CYFIP2: variants seen among roughly 807,000 people sequenced by gnomAD.
CYFIP2 encodes cytoplasmic FMR1-interacting protein 2.
A neutral mutation model predicts 158.7 loss-of-function variants in CYFIP2; 29 were observed. That is an observed-to-expected ratio of 0.18 (90% confidence interval 0.14 to 0.25). The LOEUF (loss-of-function observed/expected upper bound fraction) is 0.25, where lower values mean the gene tolerates loss of function less well. Among genes scored for constraint, CYFIP2 ranks in the 10% least tolerant of loss-of-function variants. CYFIP2 has a pLI of 1.00. For missense variants in CYFIP2, 852 were observed against 1,639.5 expected (o/e 0.52, Z 8.29); for synonymous variants, 585 against 617.6 (o/e 0.95, Z 0.78).
chr5:157,273,844 T>C (rs1377094806), intron 1 of CYFIP2, among the ~76,000 whole-genome samples: 1 of 152,076 alleles, frequency 6.6e-6, no homozygotes, highest in Admixed American at 6.5e-5. Flanking sequence ...ATTTAAAAAA[T>C]ATAGTTCAGG....
chr5:157,288,424 A>G (rs1757562734), intron 3 of CYFIP2, among the ~76,000 whole-genome samples: 1 of 152,186 alleles, frequency 6.6e-6, no homozygotes. Flanking sequence ...TGTATTGGTT[A>G]TCTCCCGTAA....
intron 23 of CYFIP2, chr5:157,343,377 C>T (rs368561224): frequency 6.8e-6 from 11 of 1,614,178 alleles, no homozygotes; most frequent in Non-Finnish European, 9.3e-6. Context: ...GTTCGAGGCA[C>T]CTTCTCCTCG....
At chr5:157,322,782 GT>G (rs1760704925) in intron 15 of CYFIP2, among the ~76,000 whole-genome samples, 1 of 152,238 alleles carries the variant, frequency 6.6e-6, no homozygotes, top group Non-Finnish European at 1.5e-5. Flanking sequence ...TTGCTGGGAG[GT>G]TGGAGTGTCT....
chr5:157,349,883 C>T lies in CYFIP2; in HGVS notation c.2673+8726C>T, dbSNP rs187510209. ...GATCATTAGCGATGCTGAGCTTTTT[C>T]TTTTATGTTTGTTGGCCATTTGTAT... On this transcript the variant is annotated intron_variant, in intron 23 of 30. Coordinates refer to ENST00000620254, the MANE Select transcript of CYFIP2 (RefSeq NM_001037333.3). Among the ~76,000 whole-genome samples, 437 of 152,236 alleles carry T rather than the reference C, an allele frequency of 2.9e-3. 4 individuals carry two copies. The highest frequency in any genetic ancestry group is 0.01 in the African/African-American group (426 of 41,536).
At chr5:157,380,681 G>C (rs375085231) in intron 26 of CYFIP2, among the ~76,000 whole-genome samples, 14 of 152,176 alleles carry the variant, frequency 9.2e-5, no homozygotes, top group African/African-American at 3.4e-4. Context: ...AAATAAAATC[G>C]AGCAATACAT....
At chr5:157,390,468 C>A in intron 29 of CYFIP2, 53 bp from the exon 30 acceptor site, 3 of 1,351,570 alleles carry the variant, frequency 2.2e-6, no homozygotes, top group East Asian at 2.7e-5. Flanking sequence ...CCCTCCCTCC[C>A]TGCCCTCCTC....
chr5:157,334,252 G>A (rs1324463629), intron 21 of CYFIP2, among the ~76,000 whole-genome samples: 1 of 152,226 alleles, frequency 6.6e-6, no homozygotes, highest in African/African-American at 2.4e-5. Context: ...TAGGTTGCCA[G>A]GGAAGAGGAA....
intron 20 of CYFIP2, 41 bp from the exon 21 acceptor site, chr5:157,333,286 T>C: frequency 1.2e-6 from 2 of 1,612,440 alleles, no homozygotes; most frequent in South Asian, 2.2e-5. Context: ...ACCTGGCCAG[T>C]GTGAATTTTA....
Position 157,361,652 on chromosome 5 carries a change from A to C in CYFIP2, c.3039+54A>C. The C allele has an allele frequency of 6.2e-7, 1 of 1,608,650 alleles. No individual in the cohort carries two copies. Among genetic ancestry groups the C allele is most frequent in the Non-Finnish European group, 8.5e-7 (1 of 1,176,946 alleles). ...TGTCTCCAGGTTGGAGGGGATGCCA[A>C]CCCCAAGCAGATATTGAGGCTCCTG... On this transcript the variant is annotated intron_variant, in intron 26 of 30. Transcript: ENST00000620254. The surrounding 1 kb of genome is among the most constrained non-coding windows in gnomAD (Gnocchi z 4.4).
chr5:157,319,716 G>T (rs534105007), intron 13 of CYFIP2, 46 bp from the exon 14 acceptor site: 37 of 1,603,754 alleles, frequency 2.3e-5, no homozygotes, highest in Non-Finnish European at 1.7e-5. Flanking sequence ...TAGACAGCTG[G>T]TGTGCTGGAC....
At chr5:157,351,393 T>C (rs538964126) in intron 23 of CYFIP2, among the ~76,000 whole-genome samples, 2 of 152,358 alleles carry the variant, frequency 1.3e-5, no homozygotes, top group South Asian at 4.1e-4. Context: ...TTTATTGGTT[T>C]TATTTTTTAA....
rs995039829 is a variant in CYFIP2, at chr5:157,330,721, T to C, written c.2157-21T>C. On this transcript the variant is annotated intron_variant, in intron 19 of 30. Transcript: ENST00000620254. The stretch of plus-strand genomic sequence containing the variant: ...ATTCACAATCTGTTTACTGGCCTTG[T>C]TTCACTTTTATTCCTTGCAGTGTCC... 1.9e-6 allele frequency: 3 copies of C among 1,604,088 alleles called. No individual in the cohort carries two copies. In the East Asian group the frequency reaches 6.7e-5, roughly 36 times the overall value.
At chr5:157,321,633 C>T (rs1760599298) in intron 15 of CYFIP2, among the ~76,000 whole-genome samples, 2 of 152,238 alleles carry the variant, frequency 1.3e-5, no homozygotes, top group Admixed American at 6.5e-5. Context: ...TCACAGGCCT[C>T]ACTTCCCATG....
chr5:157,271,790 G>T (rs1342392030), intron 1 of CYFIP2, among the ~76,000 whole-genome samples: 1 of 152,206 alleles, frequency 6.6e-6, no homozygotes, highest in Non-Finnish European at 1.5e-5. Flanking sequence ...CGATGGAGCT[G>T]AGTTCCACGT....
intron 28 of CYFIP2, chr5:157,385,084 C>A (rs188692126): frequency 3.9e-5 from 6 of 152,514 alleles, no homozygotes; most frequent in African/African-American, 9.6e-5. Flanking sequence ...CCAGTGATTT[C>A]CTTTTAGGGA....
intron 11 of CYFIP2, among the ~76,000 whole-genome samples, chr5:157,313,568 G>A (rs879944502): frequency 7.9e-5 from 12 of 152,184 alleles, no homozygotes; most frequent in South Asian, 2.1e-4. Flanking sequence ...CACTTTGTCC[G>A]ACTTCAGCTG....
chr5:157,287,118 T>C lies in CYFIP2; in HGVS notation c.207+10T>C. The C allele has an allele frequency of 6.2e-7, 1 of 1,610,364 alleles. No homozygotes were observed. The highest frequency in any genetic ancestry group is 8.5e-7 in the Non-Finnish European group (1 of 1,177,014). On this transcript the variant is annotated intron_variant, in intron 3 of 30. Coordinates refer to ENST00000620254, the MANE Select transcript of CYFIP2 (RefSeq NM_001037333.3). ...AGTCCACTCCAGCATGGTAAGTCTC[T>C]GTGACCCACGTGTGCAGACATGCTC...
At chr5:157,322,906 C>A in intron 15 of CYFIP2, 1 of 1,508,032 alleles carries the variant, frequency 6.6e-7, no homozygotes, top group Non-Finnish European at 8.9e-7. Context: ...TCCTGCCCTC[C>A]CATTCCCTCT....
At chr5:157,328,668 G>C (rs745399991) in intron 19 of CYFIP2, among the ~76,000 whole-genome samples, 3 of 152,206 alleles carry the variant, frequency 2.0e-5, no homozygotes, top group African/African-American at 7.2e-5. Context: ...TGTTTCTCCC[G>C]GGAGTGGAAT....
Sources: gnomAD v4.1 joint callset for allele counts (sites outside exome capture counted in the v4.1 genomes callset) on GRCh38, gnomAD v4.1.1 for gene constraint, Gnocchi (gnomAD v3.1) non-coding constraint, MANE v1.5 for transcripts, NCBI Gene and HGNC (gene_info 2026-07-23, HGNC 2026-07-21) for gene names.